Variants in MCC observed in about 807,000 individuals in gnomAD.
The protein encoded by MCC is colorectal mutant cancer protein.
In MCC, 90 loss-of-function variants were observed where a neutral mutation model predicts 116.2. That is an observed-to-expected ratio of 0.77 (90% CI 0.65 to 0.92). The LOEUF (loss-of-function observed/expected upper bound fraction) is 0.92. Ranked by LOEUF, MCC falls within the 40% of genes least tolerant of loss-of-function variation. MCC has a pLI of 0.00. For synonymous variants in MCC, 578 were observed against 510.5 expected (o/e 1.13, Z -1.78); for missense variants, 1,516 against 1,312.2 (o/e 1.16, Z -2.40).
intron 3 of MCC, among the ~76,000 whole-genome samples, chr5:113,183,123 C>T (rs17135404): frequency 0.053 from 7,991 of 152,158 alleles, 457 homozygotes; most frequent in African/African-American, 0.14. Context: ...CCAGATGATA[C>T]GCCTCACGCA....
chr5:113,286,361 T>C (rs1169441580), intron 3 of MCC, among the ~76,000 whole-genome samples: 1 of 152,230 alleles, frequency 6.6e-6, no homozygotes, highest in Non-Finnish European at 1.5e-5. Flanking sequence ...AAGGCCATCT[T>C]TTCCCTAGTT....
At chr5:113,035,557 G>A (rs1388292549) in intron 17 of MCC, among the ~76,000 whole-genome samples, 1 of 152,162 alleles carries the variant, frequency 6.6e-6, no homozygotes, top group Non-Finnish European at 1.5e-5. Context: ...TGACCTGAGT[G>A]CTACTTGCTG....
intron 3 of MCC, chr5:113,294,642 C>G: frequency 2.7e-6 from 3 of 1,111,454 alleles, no homozygotes; most frequent in Non-Finnish European, 3.3e-6. Flanking sequence ...GCGGCAGCGG[C>G]GGAGCCCGCG....
chr5:113,231,584 T>C (rs1360115314), intron 3 of MCC, among the ~76,000 whole-genome samples: 1 of 152,176 alleles, frequency 6.6e-6, no homozygotes, highest in African/African-American at 2.4e-5. Flanking sequence ...AATATGTTAA[T>C]GAGCTTTCTC....
In MCC at chr5:113,027,299, T is replaced by C. The variant is rs1750616068; in HGVS notation, c.*3A>G. On this transcript the variant is annotated 3_prime_UTR_variant, in exon 19 of 19. Coordinates refer to ENST00000408903, the MANE Select transcript of MCC (RefSeq NM_001085377.2). ...GGGCAGAACTCCGGTGCGTGAGTGC[T>C]GATTAAAGCGAAGTTTCATTGGTGT... 3 of 1,613,976 alleles carry C rather than the reference T, an allele frequency of 1.9e-6. No individual in the cohort carries two copies. Among genetic ancestry groups the C allele is most frequent in the Non-Finnish European group, 1.7e-6 (2 of 1,179,910 alleles).
chr5:113,350,882 G>T (rs945261143), intron 2 of MCC, among the ~76,000 whole-genome samples: 1 of 152,036 alleles, frequency 6.6e-6, no homozygotes, highest in South Asian at 2.1e-4. Context: ...CAAAAAATAT[G>T]AATAGAGATT....
rs888807757 is a variant in MCC at position 113,175,366 on chromosome 5, T to C, written c.628-23944A>G. Among the ~76,000 whole-genome samples, 42 of 152,188 alleles carry C rather than the reference T, an allele frequency of 2.8e-4. 1 individual carries two copies. The highest frequency in any genetic ancestry group is 8.8e-5 in the Non-Finnish European group (6 of 68,022). ...TAGTTTTCCTTTGATTTCAGGGACGTATTTATTCTGCTTATCTTAAGACAG... is the reference window on the plus strand; with the variant it reads ...TAGTTTTCCTTTGATTTCAGGGACGCATTTATTCTGCTTATCTTAAGACAG... On this transcript the variant is annotated intron_variant, in intron 3 of 18. Transcript: ENST00000408903.
intron 17 of MCC, among the ~76,000 whole-genome samples, chr5:113,034,975 T>G (rs1381870558): frequency 1.3e-5 from 2 of 152,236 alleles, no homozygotes; most frequent in African/African-American, 2.4e-5. Flanking sequence ...TATCTTATCC[T>G]TTTCTCTAAT....
At chr5:113,414,929 G>A (rs1410008300) in intron 1 of MCC, among the ~76,000 whole-genome samples, 2 of 152,050 alleles carry the variant, frequency 1.3e-5, no homozygotes, top group South Asian at 4.2e-4. Flanking sequence ...TTTCTTTAGT[G>A]CTTCCTTCAG....
intron 1 of MCC, among the ~76,000 whole-genome samples, chr5:113,439,364 C>G (rs769841795): frequency 2.0e-5 from 3 of 152,044 alleles, no homozygotes; most frequent in Non-Finnish European, 4.4e-5. Context: ...ACACACGAGG[C>G]CTTGAAGCAA....
chr5:113,418,108 A>T (rs1227442166), intron 1 of MCC, among the ~76,000 whole-genome samples: 1 of 151,958 alleles, frequency 6.6e-6, no homozygotes, highest in East Asian at 1.9e-4. Flanking sequence ...TACATGTTGG[A>T]TTTGTCTAAG....
chr5:113,372,431 A>T (rs895488293), intron 2 of MCC, among the ~76,000 whole-genome samples: 54 of 152,210 alleles, frequency 3.5e-4, no homozygotes, highest in African/African-American at 1.3e-3. Context: ...CTACAAAAGA[A>T]ATCTAAAATA....
chr5:113,302,233 T>G (rs1452227683), intron 3 of MCC, among the ~76,000 whole-genome samples: 1 of 152,108 alleles, frequency 6.6e-6, no homozygotes, highest in African/African-American at 2.4e-5. Flanking sequence ...AGTTTTTACA[T>G]GAAGAAATGT....
At chr5:113,218,445 C>T (rs1456038435) in intron 3 of MCC, among the ~76,000 whole-genome samples, 1 of 152,004 alleles carries the variant, frequency 6.6e-6, no homozygotes, top group Non-Finnish European at 1.5e-5. Context: ...CTGACATTAC[C>T]GCCCGCTCAA....
chr5:113,401,137 T>C (rs1181031824), intron 1 of MCC, among the ~76,000 whole-genome samples: 3 of 152,344 alleles, frequency 2.0e-5, no homozygotes, highest in East Asian at 1.9e-4. Flanking sequence ...ACTTCCAGAA[T>C]AGTTATTCCT....
chr5:113,141,688 C>A (rs1191695240), intron 5 of MCC, among the ~76,000 whole-genome samples: 2 of 152,188 alleles, frequency 1.3e-5, no homozygotes, highest in Non-Finnish European at 2.9e-5. Flanking sequence ...AATATGACAT[C>A]TCCACAGATG....
chr5:113,373,192 A>G (rs1239315641), intron 2 of MCC, among the ~76,000 whole-genome samples: 1 of 151,876 alleles, frequency 6.6e-6, no homozygotes, highest in African/African-American at 2.4e-5. Flanking sequence ...AAAAAATAAA[A>G]TAAAATAAAT....
At chr5:113,306,653 C>T (rs1766992417) in intron 3 of MCC, among the ~76,000 whole-genome samples, 1 of 152,130 alleles carries the variant, frequency 6.6e-6, no homozygotes, top group African/African-American at 2.4e-5. Context: ...CAAATATTCT[C>T]TCCCATTTTG....
chr5:113,239,241 C>G (rs186579876), intron 3 of MCC, among the ~76,000 whole-genome samples: 2 of 152,210 alleles, frequency 1.3e-5, no homozygotes, highest in African/African-American at 4.8e-5. Flanking sequence ...GACAAGATCT[C>G]TTTAGAAAAA....
Sources: gnomAD v4.1 joint callset for allele counts (sites outside exome capture counted in the v4.1 genomes callset) on GRCh38, gnomAD v4.1.1 for gene constraint, MANE v1.5 for transcripts, NCBI Gene and HGNC (gene_info 2026-07-23, HGNC 2026-07-21) for gene names.